Variants in SLC30A6 observed in about 807,000 individuals in gnomAD.
SLC30A6 encodes zinc transporter 6.
A neutral mutation model predicts 63.0 loss-of-function variants in SLC30A6; 55 were observed. That is an observed-to-expected ratio of 0.87 (90% CI 0.70 to 1.09). The LOEUF (loss-of-function observed/expected upper bound fraction) is 1.09, where lower values mean the gene tolerates loss of function less well. SLC30A6 is among the 50% of genes least tolerant of loss of function. The pLI is 0.00. For synonymous variants in SLC30A6, 224 were observed against 186.1 expected, an observed-to-expected ratio of 1.20 and a Z score of -1.66; for missense variants, 587 against 549.2, an observed-to-expected ratio of 1.07 and a Z score of -0.69.
rs1021096945 is a variant in SLC30A6 at position 32,204,759 on chromosome 2, T to C, written c.768+67T>C. 10 of 856,944 alleles carry C rather than the reference T, an allele frequency of 1.2e-5. No individual in the cohort carries two copies. In the African/African-American group the frequency reaches 1.7e-4, roughly 14 times the overall value. 53.1% of individuals were successfully genotyped at this position (856,944 alleles called of 1,614,324 possible). On this transcript the variant is annotated intron_variant, in intron 11 of 13. Coordinates refer to ENST00000282587, the MANE Select transcript of SLC30A6 (RefSeq NM_017964.5). ...GTTCTTCTACCAGATTAAAAAGTTG[T>C]ATGTGTTGTTCTACAAGATTGTGAA... is the stretch of plus-strand genomic sequence containing the variant.
At chr2:32,194,147 A>G (rs1573337560) in intron 8 of SLC30A6, among the ~76,000 whole-genome samples, 164 bp downstream of exon 8, 1 of 152,344 alleles carries the variant, frequency 6.6e-6, no homozygotes, top group East Asian at 1.9e-4. Flanking sequence ...AAATTATAAA[A>G]CAAAATCTCA....
chr2:32,179,078 A>T (rs1433478893), intron 4 of SLC30A6, among the ~76,000 whole-genome samples: 1 of 152,130 alleles, frequency 6.6e-6, no homozygotes, highest in Non-Finnish European at 1.5e-5. Flanking sequence ...CAGGCAAGTC[A>T]CAAATTTCTG....
intron 8 of SLC30A6, 90 bp downstream of exon 8, chr2:32,194,073 A>AAG (rs1257021597): frequency 2.9e-6 from 3 of 1,034,380 alleles, no homozygotes; most frequent in Non-Finnish European, 4.3e-6. Flanking sequence ...CAGATCAATG[A>AAG]AGAAGTATAT....
At chr2:32,206,795 T>G (rs2148888400) in intron 11 of SLC30A6, 91 bp from the exon 12 acceptor site, 1 of 1,009,082 alleles carries the variant, frequency 9.9e-7, no homozygotes, top group Non-Finnish European at 1.6e-6. Context: ...AAAGGCTGGC[T>G]TAAAATCCTT....
chr2:32,192,484 C>A (rs1034706865), intron 6 of SLC30A6, 68 bp downstream of exon 6: 2 of 1,376,672 alleles, frequency 1.5e-6, no homozygotes, highest in African/African-American at 1.4e-5. Context: ...AGAAACCCGT[C>A]AGACACATTT....
chr2:32,198,784 A>G (rs972749607), intron 10 of SLC30A6, among the ~76,000 whole-genome samples: 1 of 152,096 alleles, frequency 6.6e-6, no homozygotes, highest in African/African-American at 2.4e-5. Flanking sequence ...AGGTTTTGCC[A>G]TGTTGGCCAG....
At chr2:32,186,991 G>A (rs1330590205) in intron 5 of SLC30A6, among the ~76,000 whole-genome samples, 7 of 125,702 alleles carry the variant, frequency 5.6e-5, no homozygotes, top group African/African-American at 2.1e-4. Context: ...GCTAGACGCT[G>A]TCTCCAAAAA....
chr2:32,194,256 G>C (rs1019007184), intron 8 of SLC30A6, among the ~76,000 whole-genome samples: 1 of 152,146 alleles, frequency 6.6e-6, no homozygotes, highest in African/African-American at 2.4e-5. Flanking sequence ...ACCAAATAAT[G>C]TGAGATTCTA....
chr2:32,200,580 G>T (rs1684199949), intron 10 of SLC30A6, among the ~76,000 whole-genome samples: 1 of 151,172 alleles, frequency 6.6e-6, no homozygotes, highest in Non-Finnish European at 1.5e-5. Context: ...TCTGAAACAT[G>T]TGCTGTGTCC....
chr2:32,208,120 C>T (rs1053631609), intron 12 of SLC30A6, among the ~76,000 whole-genome samples: 3 of 151,832 alleles, frequency 2.0e-5, no homozygotes, highest in African/African-American at 4.8e-5. Flanking sequence ...GTGTGAGCCA[C>T]CGTGCCCAGC....
rs113896005 is a variant in SLC30A6, at chr2:32,215,755, A to T, written c.886-4458A>T. Reference sequence around the variant, plus strand: ...GGTCTTGCTCTGTCACCCAGGCTAGAGTGCAGGGGTATAGTCATGGCTCAC... The same window carrying T: ...GGTCTTGCTCTGTCACCCAGGCTAGTGTGCAGGGGTATAGTCATGGCTCAC... On this transcript the variant is annotated intron_variant, in intron 13 of 13. Transcript: ENST00000282587. Among the ~76,000 whole-genome samples the T allele has an allele frequency of 5.4e-3, 818 of 151,892 alleles. 5 individuals carry two copies. The highest frequency in any genetic ancestry group is 0.018 in the African/African-American group (763 of 41,382).
At chr2:32,185,191 C>G (rs748765616) in intron 5 of SLC30A6, among the ~76,000 whole-genome samples, 4 of 151,982 alleles carry the variant, frequency 2.6e-5, no homozygotes, top group Non-Finnish European at 5.9e-5. Flanking sequence ...TGAGATCTGT[C>G]GCTGCAAAAA....
intron 13 of SLC30A6, among the ~76,000 whole-genome samples, chr2:32,218,203 T>A (rs1282417118): frequency 6.6e-6 from 1 of 152,132 alleles, no homozygotes; most frequent in Non-Finnish European, 1.5e-5. Flanking sequence ...GGAGGATCGC[T>A]TGAACCTAGG....
At chr2:32,203,720 CAG>C (rs1433811141) in intron 10 of SLC30A6, 1 of 1,529,372 alleles carries the variant, frequency 6.5e-7, no homozygotes, top group East Asian at 2.2e-5. Flanking sequence ...ACAACTAAGT[CAG>C]AAAGGTTACA....
intron 13 of SLC30A6, among the ~76,000 whole-genome samples, chr2:32,215,935 A>G (rs944326031): frequency 2.6e-5 from 4 of 151,766 alleles, no homozygotes; most frequent in Admixed American, 6.6e-5. Context: ...AAGCAATCCA[A>G]CCTAGGTGCC....
rs1004301710 is a variant in SLC30A6, at chr2:32,221,766, T to C, written c.*1053T>C. 1 of 152,218 alleles carries C rather than the reference T, an allele frequency of 6.6e-6. No homozygotes were observed. The highest frequency in any genetic ancestry group is 2.4e-5 in the African/African-American group (1 of 41,460). 9.4% of individuals were successfully genotyped at this position (152,218 alleles called of 1,614,324 possible). On this transcript the variant is annotated 3_prime_UTR_variant, in exon 14 of 14. Transcript: ENST00000282587. ...AGTCCATGGTTCTCAGTGTTTTATT[T>C]TGATTAAGTGACTACCCAACTTTTG... is the stretch of plus-strand genomic sequence containing the variant.
chr2:32,192,233 T>C, intron 5 of SLC30A6, 103 bp from the exon 6 acceptor site: 5 of 972,790 alleles, frequency 5.1e-6, no homozygotes, highest in Non-Finnish European at 8.1e-6. Context: ...AGACAGCACA[T>C]ATGTATATTA....
At chr2:32,203,332 T>A in intron 10 of SLC30A6, 1 of 923,072 alleles carries the variant, frequency 1.1e-6, no homozygotes, top group Non-Finnish European at 1.8e-6. Flanking sequence ...GAATTACTTT[T>A]AAATGTGTAG....
chr2:32,171,400 A>G (rs1681196959), intron 2 of SLC30A6, 27 bp downstream of exon 2: 1 of 1,545,816 alleles, frequency 6.5e-7, no homozygotes, highest in African/African-American at 1.4e-5. Context: ...CCCCAATTTT[A>G]ATTATTGCAC....
Sources: gnomAD v4.1 joint callset for allele counts (sites outside exome capture counted in the v4.1 genomes callset) on GRCh38, gnomAD v4.1.1 for gene constraint, MANE v1.5 for transcripts, NCBI Gene and HGNC (gene_info 2026-07-23, HGNC 2026-07-21) for gene names.